The following WDR27 variants were observed in gnomAD, a reference collection of about 807,000 sequenced individuals.
WDR27 encodes the protein WD repeat domain 27.
In WDR27, 100 loss-of-function variants were observed where a neutral mutation model predicts 114.4. The ratio of observed to expected loss-of-function variants is 0.87; its 90% CI spans 0.74 to 1.03. The LOEUF is 1.03. WDR27 is among the 50% of genes least tolerant of loss of function. The pLI is 0.00. For missense variants in WDR27, 1,129 were observed against 1,092.9 expected (o/e 1.03, Z -0.47); for synonymous variants, 449 against 423.1 (o/e 1.06, Z -0.75).
intron 23 of WDR27, among the ~76,000 whole-genome samples, chr6:169,601,975 T>C (rs1277673830): frequency 6.6e-6 from 1 of 152,212 alleles, no homozygotes; most frequent in Non-Finnish European, 1.5e-5. Flanking sequence ...TAGTAGGCAC[T>C]CAACAAGTAT....
At chr6:169,657,074 A>G (rs2128253966) in intron 13 of WDR27, among the ~76,000 whole-genome samples, 1 of 152,266 alleles carries the variant, frequency 6.6e-6, no homozygotes, top group African/African-American at 2.4e-5. Flanking sequence ...TGGGTCTTTC[A>G]TGGAAACAGG....
rs561368830 is a variant in WDR27, at chr6:169,601,299, CT to C, written c.2424+919del. Among the ~76,000 whole-genome samples the C allele has an allele frequency of 1.1e-3, 175 of 152,244 alleles. 1 individual carries two copies. The highest frequency in any genetic ancestry group is 4.0e-3 in the African/African-American group (167 of 41,560). ...TCACCACCAGGTCTTGAAGTTATTT[CT>C]AAACAGAACATCAGAATCATCTGAA... On this transcript the variant is annotated intron_variant, in intron 23 of 25. Transcript: ENST00000448612.
rs376783967 is a variant in WDR27 at position 169,572,543 on chromosome 6, C to CAAAAAAAAAAAAAAAA, written c.2524-19_2524-4dup. ...TGGGCGACAGAGCGAGACTCCATCT[C>CAAAAAAAAAAAAAAAA]AAAAAAAAAAAAAAAAAAAAAAAAA... On this transcript the variant is annotated splice_polypyrimidine_tract_variant and splice_region_variant and intron_variant, in intron 24 of 25. Coordinates refer to ENST00000448612, the MANE Select transcript of WDR27 (RefSeq NM_182552.5). The CAAAAAAAAAAAAAAAA allele has an allele frequency of 1.1e-5, 1 of 92,440 alleles. No individual in the cohort carries two copies. Among genetic ancestry groups the CAAAAAAAAAAAAAAAA allele is most frequent in the African/African-American group, 5.8e-5 (1 of 17,292 alleles). 5.7% of individuals were successfully genotyped at this position (92,440 alleles called of 1,614,324 possible).
chr6:169,680,794 A>C (rs1781324386), intron 2 of WDR27, among the ~76,000 whole-genome samples: 1 of 152,228 alleles, frequency 6.6e-6, no homozygotes, highest in Admixed American at 6.5e-5. Flanking sequence ...ATTTCAGAGC[A>C]AGAATATTAC....
At position 169,636,358 on chromosome 6, in the gene WDR27, G is replaced by T. The variant is rs748915751; in HGVS notation, c.2003+13C>A. ...GTGATCTAAAAATAATGCACAGGGC[G>T]GGGGGTGCCTACCTCTTAATCTCAT... On this transcript the variant is annotated intron_variant, in intron 19 of 25. Transcript: ENST00000448612. 4 of 1,611,078 alleles carry T rather than the reference G, an allele frequency of 2.5e-6. No homozygotes were observed. The highest frequency in any genetic ancestry group is 8.5e-7 in the Non-Finnish European group (1 of 1,178,380).
intron 25 of WDR27, among the ~76,000 whole-genome samples, chr6:169,519,651 A>T (rs1476171216): frequency 6.6e-6 from 1 of 152,156 alleles, no homozygotes; most frequent in African/African-American, 2.4e-5. Flanking sequence ...CCTCCCTCCA[A>T]TGTGGGGGAT....
At chr6:169,573,512 G>A (rs1031419483) in intron 24 of WDR27, among the ~76,000 whole-genome samples, 1 of 152,136 alleles carries the variant, frequency 6.6e-6, no homozygotes, top group Admixed American at 6.5e-5. Context: ...CAGACTATGT[G>A]GGTTCTGTAG....
intron 25 of WDR27, among the ~76,000 whole-genome samples, chr6:169,547,497 C>T (rs1797606900): frequency 6.6e-6 from 1 of 152,082 alleles, no homozygotes; most frequent in Non-Finnish European, 1.5e-5. Context: ...GGGATTTATC[C>T]CAGGTATGCA....
Position 169,464,258 on chromosome 6 carries a change from A to G in WDR27, c.2646-6624T>C, listed in dbSNP as rs78630622. Among the ~76,000 whole-genome samples the G allele has an allele frequency of 4.7e-3, 718 of 152,336 alleles. 6 individuals are homozygous for G. The highest frequency in any genetic ancestry group is 0.03 in the East Asian group (154 of 5,184). On this transcript the variant is annotated intron_variant, in intron 25 of 25. Transcript: ENST00000448612. The stretch of plus-strand genomic sequence containing the variant: ...TATATGGGTCAAATTATTTTTGAGA[A>G]GGGCTCCAAGACCATTCAATGGAGA...
chr6:169,649,431 C>T (rs1277360607), intron 14 of WDR27, among the ~76,000 whole-genome samples, 156 bp from the exon 15 acceptor site: 3 of 152,046 alleles, frequency 2.0e-5, no homozygotes, highest in African/African-American at 4.8e-5. Context: ...GCCCTTAAGT[C>T]ACCTCCTCCC....
In WDR27 at chr6:169,698,755, T is replaced by C. The variant is rs1786970752; in HGVS notation, c.-8+2796A>G. ...ACAGCCCGTGCACAGCCCTTCATGC[T>C]GGAGGCGGAGGGCTCCAAAGGCTGA... is the stretch of plus-strand genomic sequence containing the variant. On this transcript the variant is annotated intron_variant, in intron 1 of 25. Transcript: ENST00000448612. Among the ~76,000 whole-genome samples, 10 of 152,328 alleles carry C rather than the reference T, an allele frequency of 6.6e-5. No individual in the cohort carries two copies. The South Asian group carries it at 2.1e-3, about 32-fold the overall frequency.
At chr6:169,560,640 G>A (rs916550731) in intron 25 of WDR27, among the ~76,000 whole-genome samples, 3 of 152,032 alleles carry the variant, frequency 2.0e-5, no homozygotes, top group African/African-American at 7.2e-5. Flanking sequence ...CACTAACTTT[G>A]GTCACTTTAC....
intron 23 of WDR27, among the ~76,000 whole-genome samples, chr6:169,590,779 G>A (rs1465052984): frequency 6.6e-6 from 1 of 152,222 alleles, no homozygotes; most frequent in African/African-American, 2.4e-5. Context: ...CCACCCACCG[G>A]TCTAACCAGT....
chr6:169,606,619 C>T (rs1241757460), intron 22 of WDR27, among the ~76,000 whole-genome samples: 1 of 152,130 alleles, frequency 6.6e-6, no homozygotes, highest in Non-Finnish European at 1.5e-5. Flanking sequence ...CAGCTCCATC[C>T]ATGTCCCTGC....
At chr6:169,480,087 G>C (rs932660289) in intron 25 of WDR27, among the ~76,000 whole-genome samples, 1 of 152,164 alleles carries the variant, frequency 6.6e-6, no homozygotes, top group African/African-American at 2.4e-5. Context: ...GCGGGCCAGC[G>C]TGAGTTCCAG....
intron 25 of WDR27, among the ~76,000 whole-genome samples, chr6:169,515,414 T>C (rs912046927): frequency 2.0e-5 from 3 of 152,200 alleles, no homozygotes; most frequent in Non-Finnish European, 2.9e-5. Context: ...TAATGAATAC[T>C]GAATAGCTTT....
chr6:169,479,147 G>C (rs781003178), intron 25 of WDR27, among the ~76,000 whole-genome samples: 14 of 152,088 alleles, frequency 9.2e-5, no homozygotes, highest in Non-Finnish European at 1.8e-4. Flanking sequence ...TGAAAACTAT[G>C]CATCTGACAG....
In WDR27 at chr6:169,638,560, CCCACGAGCCGA is replaced by C; in HGVS notation, c.1837_1847del (p.Ser613GlyfsTer14). ...TTACCAGAAGCAGTGCGAGCTCTGC[CCCACGAGCCGA>C]CCACATTCGCAGGGTCCCGTCCCGG... On this transcript the variant is annotated frameshift_variant, in exon 18 of 26. Transcript: ENST00000448612. LOFTEE classifies it high-confidence loss of function. 3.1e-6 allele frequency: 5 copies of C among 1,611,006 alleles called. No individual in the cohort carries two copies. The highest frequency in any genetic ancestry group is 4.2e-6 in the Non-Finnish European group (5 of 1,178,968).
intron 17 of WDR27, among the ~76,000 whole-genome samples, chr6:169,641,405 C>T (rs545253425): frequency 1.4e-4 from 22 of 152,338 alleles, no homozygotes; most frequent in African/African-American, 4.6e-4. Context: ...GATCTCCTCA[C>T]GGTACGGAAG....
Sources: gnomAD v4.1 joint callset for allele counts (sites outside exome capture counted in the v4.1 genomes callset) on GRCh38, gnomAD v4.1.1 for gene constraint, MANE v1.5 for transcripts, NCBI Gene and HGNC (gene_info 2026-07-23, HGNC 2026-07-21) for gene names.